The following APP variants were observed in gnomAD, a reference collection of about 807,000 sequenced individuals.
APP encodes the protein amyloid beta precursor protein.
APP carries 31 observed loss-of-function variants against 101.4 expected under a neutral mutation model. The observed-to-expected ratio is 0.31, with a 90% CI of 0.23 to 0.41. The LOEUF (loss-of-function observed/expected upper bound fraction) is 0.41. Ranked by LOEUF, APP falls within the 10% of genes least tolerant of loss-of-function variation. APP has a pLI of 1.00. For synonymous variants in APP, 366 were observed against 364.4 expected, an observed-to-expected ratio of 1.00 and a Z score of -0.05; for missense variants, 839 against 1,003.7, an observed-to-expected ratio of 0.84 and a Z score of 2.22.
intron 13 of APP, among the ~76,000 whole-genome samples, chr21:25,940,506 T>A (rs1332146057): frequency 6.6e-6 from 1 of 152,226 alleles, no homozygotes; most frequent in East Asian, 1.9e-4. Flanking sequence ...CCATAATTTT[T>A]AAAAAATTAC....
intron 13 of APP, among the ~76,000 whole-genome samples, chr21:25,921,086 G>A (rs1466742918): frequency 1.4e-5 from 2 of 144,050 alleles, no homozygotes; most frequent in Non-Finnish European, 3.0e-5. Flanking sequence ...ACTCAAAGCC[G>A]CTCAACTACA....
chr21:26,033,115 A>G (rs969599712), intron 5 of APP, among the ~76,000 whole-genome samples: 1 of 152,222 alleles, frequency 6.6e-6, no homozygotes, highest in African/African-American at 2.4e-5. Context: ...CACCCGTAGC[A>G]GATGAAGAGT....
chr21:26,087,109 A>G (rs578069879), intron 3 of APP, among the ~76,000 whole-genome samples: 2 of 152,344 alleles, frequency 1.3e-5, no homozygotes, highest in East Asian at 3.8e-4. Flanking sequence ...CTGAAAGACA[A>G]GGCATGCTCT....
At chr21:25,965,986 G>A (rs191701925) in intron 11 of APP, among the ~76,000 whole-genome samples, 37 of 152,270 alleles carry the variant, frequency 2.4e-4, no homozygotes, top group African/African-American at 7.0e-4. Flanking sequence ...ACTGAGCAGT[G>A]CTCCACTGTG....
At chr21:25,952,442 T>TCAAA (rs1218974971) in intron 13 of APP, among the ~76,000 whole-genome samples, 8 of 152,080 alleles carry the variant, frequency 5.3e-5, no homozygotes, top group Non-Finnish European at 1.0e-4. Context: ...TCCTCCCTGG[T>TCAAA]ACTGAGATTT....
chr21:25,885,609 C>T (rs1008199881), intron 17 of APP, among the ~76,000 whole-genome samples: 5 of 152,142 alleles, frequency 3.3e-5, no homozygotes, highest in Non-Finnish European at 7.4e-5. Context: ...ATGTGACTCT[C>T]GGTACGCTGC....
chr21:25,937,664 G>C (rs1008362478), intron 13 of APP: 3 of 152,238 alleles, frequency 2.0e-5, no homozygotes, highest in Non-Finnish European at 4.4e-5. Context: ...TATAAGTAGA[G>C]AAGTAGGTTC....
intron 16 of APP, among the ~76,000 whole-genome samples, chr21:25,894,621 G>A (rs2037911248): frequency 6.6e-6 from 1 of 152,212 alleles, no homozygotes; most frequent in African/African-American, 2.4e-5. Context: ...TGACTGAACT[G>A]CTACCATCTC....
chr21:26,038,137 T>C (rs948611788), intron 5 of APP, among the ~76,000 whole-genome samples: 4 of 152,146 alleles, frequency 2.6e-5, no homozygotes, highest in Admixed American at 6.5e-5. Context: ...TGAGACATCA[T>C]ACTTTCTAGT....
rs1374017304 is a variant in APP at position 25,948,714 on chromosome 21, T to C, written c.1687+5876A>G. On this transcript the variant is annotated intron_variant, in intron 13 of 17. Coordinates refer to ENST00000346798, the MANE Select transcript of APP (RefSeq NM_000484.4). ...GCTACATTTTTAGCCTTGAGGTAGC[T>C]GCAAAGAGAAGCACACTTTGATAAA... 2.6e-5 allele frequency among the ~76,000 whole-genome samples: 4 copies of C among 152,334 alleles called. No individual in the cohort carries two copies. In the East Asian group the frequency reaches 7.7e-4, roughly 29 times the overall value.
Position 25,902,535 on chromosome 21 carries a change from T to A in APP, c.1963+2489A>T, listed in dbSNP as rs138351792. 8.7e-3 allele frequency among the ~76,000 whole-genome samples: 1,300 copies of A among 149,020 alleles called. 44 individuals carry two copies. Among genetic ancestry groups the A allele is most frequent in the Admixed American group, 0.031 (444 of 14,354 alleles). ...TCTTTCTCAACTTTAGCCATCTTACTGGGCAACCCAAGCCTACGCTGTGTA... is the reference window on the plus strand; with the variant it reads ...TCTTTCTCAACTTTAGCCATCTTACAGGGCAACCCAAGCCTACGCTGTGTA... On this transcript the variant is annotated intron_variant, in intron 15 of 17. Coordinates refer to ENST00000346798, the MANE Select transcript of APP (RefSeq NM_000484.4).
intron 5 of APP, among the ~76,000 whole-genome samples, chr21:26,024,954 T>C (rs906399580): frequency 1.1e-4 from 17 of 152,206 alleles, no homozygotes; most frequent in Non-Finnish European, 1.3e-4. Flanking sequence ...TGTTAATAAA[T>C]GAAGTGTTAA....
intron 3 of APP, among the ~76,000 whole-genome samples, chr21:26,058,313 T>G (rs867601452): frequency 6.6e-6 from 1 of 152,208 alleles, no homozygotes. Flanking sequence ...TGAGGCCATA[T>G]GTGCCATTAC....
rs117035570 is a variant in APP at position 25,937,588 on chromosome 21, A to G, written c.1687+17002T>C. 5.8e-4 allele frequency among the ~76,000 whole-genome samples: 88 copies of G among 152,326 alleles called. 2 individuals carry two copies. The East Asian group carries it at 0.017, about 29-fold the overall frequency. ...GATTTGAAGAGAGCCTAAATGGATAATTCTTTAAGCAGAATGTCAGTATCA... is the reference window on the plus strand; with the variant it reads ...GATTTGAAGAGAGCCTAAATGGATAGTTCTTTAAGCAGAATGTCAGTATCA... On this transcript the variant is annotated intron_variant, in intron 13 of 17. Coordinates refer to ENST00000346798, the MANE Select transcript of APP (RefSeq NM_000484.4).
chr21:26,017,794 G>C (rs139984044), intron 6 of APP, among the ~76,000 whole-genome samples: 201 of 152,238 alleles, frequency 1.3e-3, no homozygotes, highest in Middle Eastern at 0.01. Flanking sequence ...AGAAAATTAG[G>C]AGCAAGTATC....
At chr21:26,044,577 T>C (rs185891891) in intron 5 of APP, among the ~76,000 whole-genome samples, 73 of 152,308 alleles carry the variant, frequency 4.8e-4, no homozygotes, top group East Asian at 4.1e-3. Flanking sequence ...TTCGCTCTTA[T>C]TGCCCAGGCT....
intron 3 of APP, among the ~76,000 whole-genome samples, chr21:26,076,859 G>A (rs1022242199): frequency 6.6e-6 from 1 of 152,030 alleles, no homozygotes; most frequent in Admixed American, 6.6e-5. Flanking sequence ...ATCAGGAGAT[G>A]GAGACCATCC....
intron 6 of APP, among the ~76,000 whole-genome samples, chr21:26,005,450 G>C (rs1479370610): frequency 1.2e-4 from 19 of 152,134 alleles, no homozygotes; most frequent in Admixed American, 1.2e-3. Context: ...TAGGAATATT[G>C]ATTTTTCAGT....
At position 25,990,762 on chromosome 21, in the gene APP, G is replaced by A. The variant is rs116022089; in HGVS notation, c.1090+6598C>T. ...CCTTTATATGGTTATTTACCTCTAC[G>A]GCATATCTGGGTCTCAACTCATTAA... On this transcript the variant is annotated intron_variant, in intron 8 of 17. Transcript: ENST00000346798. 9.8e-3 allele frequency among the ~76,000 whole-genome samples: 1,430 copies of A among 145,512 alleles called. 22 individuals carry two copies. Among genetic ancestry groups the A allele is most frequent in the African/African-American group, 0.034 (1,337 of 38,946 alleles).
Sources: allele counts gnomAD v4.1 joint callset (sites outside exome capture counted in the v4.1 genomes callset), GRCh38; gene constraint gnomAD v4.1.1; transcripts MANE v1.5; gene names NCBI Gene and HGNC (gene_info 2026-07-23, HGNC 2026-07-21).